CLEC16A: variants seen among roughly 807,000 people sequenced by gnomAD.
The protein encoded by CLEC16A is C-type lectin domain containing 16A, also known as protein CLEC16A.
CLEC16A carries 51 observed loss-of-function variants against 109.5 expected under a neutral mutation model. The ratio of observed to expected loss-of-function variants is 0.47; its 90% CI spans 0.37 to 0.59. The LOEUF is 0.59. Among genes scored for constraint, CLEC16A ranks in the 20% least tolerant of loss-of-function variants. The pLI is 0.00. For missense variants in CLEC16A, 1,339 were observed against 1,394.0 expected (o/e 0.96, Z 0.63); for synonymous variants, 673 against 564.2 (o/e 1.19, Z -2.73).
intron 19 of CLEC16A, among the ~76,000 whole-genome samples, chr16:11,108,598 C>T (rs747654729): frequency 3.3e-5 from 5 of 152,246 alleles, no homozygotes; most frequent in Admixed American, 6.5e-5. Context: ...AGGTTTTGAT[C>T]AGCTTGTTCA....
intron 1 of CLEC16A, among the ~76,000 whole-genome samples, chr16:10,948,513 A>G (rs908796014): frequency 9.2e-5 from 14 of 152,332 alleles, no homozygotes; most frequent in African/African-American, 3.4e-4. Context: ...TCCACCACCA[A>G]GCGGAAGCCT....
intron 19 of CLEC16A, among the ~76,000 whole-genome samples, chr16:11,087,231 C>A (rs1396751687): frequency 2.6e-5 from 4 of 151,896 alleles, no homozygotes; most frequent in Non-Finnish European, 5.9e-5. Flanking sequence ...CACCTGCTGC[C>A]CCCTATAGTC....
At chr16:11,177,709 G>A (rs539628363) in intron 23 of CLEC16A, among the ~76,000 whole-genome samples, 1 of 152,098 alleles carries the variant, frequency 6.6e-6, no homozygotes, top group African/African-American at 2.4e-5. Context: ...AGTGGCCCCT[G>A]CCGGGAAGCT....
chr16:11,137,728 G>C (rs943189129), intron 22 of CLEC16A, among the ~76,000 whole-genome samples: 4 of 152,066 alleles, frequency 2.6e-5, no homozygotes, highest in Non-Finnish European at 4.4e-5. Context: ...AGAATTGCTT[G>C]GACCTGGCAG....
chr16:10,993,356 G>T (rs1012054043), intron 10 of CLEC16A, among the ~76,000 whole-genome samples: 8 of 152,148 alleles, frequency 5.3e-5, no homozygotes, highest in African/African-American at 1.4e-4. Flanking sequence ...TCCAGCCTGG[G>T]CAATAGAGTG....
intron 12 of CLEC16A, among the ~76,000 whole-genome samples, chr16:11,021,307 C>T (rs77615141): frequency 0.044 from 6,736 of 152,256 alleles, 523 homozygotes; most frequent in African/African-American, 0.15. Context: ...AATAAAAAAA[C>T]AGTGGAGTAC....
intron 22 of CLEC16A, among the ~76,000 whole-genome samples, chr16:11,155,850 G>A (rs1399609856): frequency 6.6e-6 from 1 of 152,194 alleles, no homozygotes; most frequent in African/African-American, 2.4e-5. Context: ...CAGGCATGGT[G>A]CTCTCTGCCT....
intron 23 of CLEC16A, among the ~76,000 whole-genome samples, chr16:11,176,449 T>C (rs1393066350): frequency 2.0e-5 from 3 of 152,156 alleles, no homozygotes; most frequent in Non-Finnish European, 4.4e-5. Context: ...AAGAAATTAA[T>C]TGGGCTGGGC....
At chr16:11,116,007 A>AG (rs2051960711) in intron 19 of CLEC16A, among the ~76,000 whole-genome samples, 2 of 152,064 alleles carry the variant, frequency 1.3e-5, no homozygotes, top group African/African-American at 2.4e-5. Context: ...CACCGTGCCC[A>AG]GCCCTAAAAT....
rs374848860 is a variant in CLEC16A at position 11,051,514 on chromosome 16, T to A, written c.1868T>A (p.Met623Lys). The change falls in exon 18 of 24, where the codon ATG becomes AAG. Residue 623 changes from methionine (M) to lysine (K), a missense_variant and splice_region_variant. Around this residue, in one of 3 missense-constraint regions of CLEC16A, gnomAD observed 1,061 missense variants for 1,006.8 expected, o/e 1.05. Transcript: ENST00000409790. ...GGTTTCCTGTAATGTCTCTTCTAGATGAAGCCCATGAACGTGGAATATCTC... is the reference window on the plus strand; with the variant it reads ...GGTTTCCTGTAATGTCTCTTCTAGAAGAAGCCCATGAACGTGGAATATCTC... ...MFEDEYRSMT[M>K]KPMNVEYLMM... The A allele has an allele frequency of 6.2e-6, 10 of 1,613,204 alleles. No homozygotes were observed. Among genetic ancestry groups the A allele is most frequent in the Non-Finnish European group, 8.5e-6 (10 of 1,179,286 alleles).
rs189663002 is a variant in CLEC16A at position 10,979,150 on chromosome 16, G to A, written c.904-179G>A. On this transcript the variant is annotated intron_variant, in intron 8 of 23. Transcript: ENST00000409790. ...ATAGTGTCCTTGCAAACAGTATTGA[G>A]TGGGATTTTGCGGAGTGGACTTTTG... is the stretch of plus-strand genomic sequence containing the variant. Among the ~76,000 whole-genome samples, 47 of 152,322 alleles carry A rather than the reference G, an allele frequency of 3.1e-4. 1 individual carries two copies. Among genetic ancestry groups the A allele is most frequent in the African/African-American group, 1.1e-3 (47 of 41,572 alleles).
In CLEC16A at chr16:11,039,852, A is replaced by C. The variant is rs2152847990; in HGVS notation, c.1636A>C (p.Ile546Leu). 6.2e-7 allele frequency: 1 copy of C among 1,612,892 alleles called. No homozygotes were observed. ...NHPLAERLIR[I>L]MNNAAQPDGK... ...CCCGCTAGCTGAAAGACTCATCAGG[A>C]TCATGAACAACGCTGCCCAGCCAGG... Residue 546 changes from isoleucine (I) to leucine (L), a missense_variant, in exon 14 of 24, where the codon ATC (isoleucine) becomes CTC (leucine). Around this residue, in one of 3 missense-constraint regions of CLEC16A, gnomAD observed 1,061 missense variants for 1,006.8 expected, o/e 1.05. Transcript: ENST00000409790.
intron 1 of CLEC16A, among the ~76,000 whole-genome samples, chr16:10,945,094 G>A (rs892008881): frequency 6.6e-5 from 10 of 152,226 alleles, no homozygotes; most frequent in Admixed American, 5.2e-4. Context: ...GTTCTTGACG[G>A]TGTCCACCAA....
chr16:11,093,738 T>C (rs1475648796), intron 19 of CLEC16A, among the ~76,000 whole-genome samples: 1 of 151,948 alleles, frequency 6.6e-6, no homozygotes, highest in Non-Finnish European at 1.5e-5. Context: ...AGCCAGGATA[T>C]GAGGGTGTGG....
Position 10,999,940 on chromosome 16 carries a change from G to A in CLEC16A, c.1072-3134G>A, listed in dbSNP as rs922080575. 2.6e-5 allele frequency among the ~76,000 whole-genome samples: 4 copies of A among 152,108 alleles called. No homozygotes were observed. The South Asian group carries it at 6.2e-4, about 24-fold the overall frequency. Reference sequence around the variant, plus strand: ...CAACCTCCGCCTCCCAGGTTCGATCGATTCTCTTGCCTCAGCCTCCCGAGT... The same window carrying A: ...CAACCTCCGCCTCCCAGGTTCGATCAATTCTCTTGCCTCAGCCTCCCGAGT... On this transcript the variant is annotated intron_variant, in intron 10 of 23. Coordinates refer to ENST00000409790, the MANE Select transcript of CLEC16A (RefSeq NM_015226.3).
chr16:11,140,230 G>A (rs1023027543), intron 22 of CLEC16A, among the ~76,000 whole-genome samples: 5 of 152,140 alleles, frequency 3.3e-5, no homozygotes, highest in South Asian at 2.1e-4. Context: ...CTGGGTCTCC[G>A]GTGCTGGGTT....
rs545068406 is a variant in CLEC16A at position 11,095,141 on chromosome 16, T to C, written c.2117-25474T>C. 7.2e-5 allele frequency among the ~76,000 whole-genome samples: 11 copies of C among 152,130 alleles called. No homozygotes were observed. In the South Asian group the frequency reaches 2.3e-3, roughly 32 times the overall value. On this transcript the variant is annotated intron_variant, in intron 19 of 23. Coordinates refer to ENST00000409790, the MANE Select transcript of CLEC16A (RefSeq NM_015226.3). ...CTTTTAAATGACATTCTGTTTCAAA[T>C]GTGTGAGCTTGGGATCTTTGATGTA...
chr16:11,094,649 C>T (rs2050500945), intron 19 of CLEC16A, among the ~76,000 whole-genome samples: 1 of 152,362 alleles, frequency 6.6e-6, no homozygotes, highest in Non-Finnish European at 1.5e-5. Flanking sequence ...AAATCTCTCC[C>T]TTTTTTCCTG....
At chr16:11,042,504 T>C (rs1317435803) in intron 15 of CLEC16A, 141 bp downstream of exon 15, 7 of 595,332 alleles carry the variant, frequency 1.2e-5, no homozygotes, top group Non-Finnish European at 2.0e-5. Context: ...GCTGCTCTCT[T>C]GAGACCCCAC....
Sources: allele counts gnomAD v4.1 joint callset (sites outside exome capture counted in the v4.1 genomes callset), GRCh38; gene constraint gnomAD v4.1.1; regional missense constraint gnomAD v4.1.1; transcripts MANE v1.5; gene names NCBI Gene and HGNC (gene_info 2026-07-23, HGNC 2026-07-21).